The following CIT variants were observed in gnomAD, a reference collection of about 807,000 sequenced individuals.
CIT encodes citron rho-interacting serine/threonine kinase.
A neutral mutation model predicts 272.7 loss-of-function variants in CIT; 79 were observed. That is an observed-to-expected ratio of 0.29 (90% CI 0.24 to 0.35). CIT has a LOEUF of 0.35. Among genes scored for constraint, CIT ranks in the 10% least tolerant of loss-of-function variants. CIT has a pLI of 1.00. For synonymous variants in CIT, 948 were observed against 995.6 expected (o/e 0.95, Z 0.90); for missense variants, 1,909 against 2,618.3 (o/e 0.73, Z 5.91).
intron 7 of CIT, among the ~76,000 whole-genome samples, chr12:119,829,831 T>C (rs904380980): frequency 3.3e-5 from 5 of 152,002 alleles, no homozygotes; most frequent in African/African-American, 1.2e-4. Context: ...AATAAGACAA[T>C]GGATAATGGA....
At position 119,850,214 on chromosome 12, in the gene CIT, T is replaced by C; in HGVS notation, c.476A>G (p.Gln159Arg). Residue 159 changes from glutamine to arginine, a missense_variant, in exon 5 of 48, where the codon CAA (glutamine) becomes CGA (arginine). This residue lies in a region of CIT where 529 missense variants were observed against 549.6 expected (regional missense o/e 0.96). Coordinates refer to ENST00000392521, the MANE Select transcript of CIT (RefSeq NM_001206999.2). ...LSRSTSPWIP[Q>R]LQYAFQDKNH... is the part of the protein sequence containing the mutation. ...TTTGTCCTGAAAGGCATACTGTAAT[T>C]GGGGGATCCACGGGCTTGTGCTTCG... is the stretch of plus-strand genomic sequence containing the variant. The C allele has an allele frequency of 6.2e-7, 1 of 1,613,374 alleles. No individual in the cohort carries two copies. Among genetic ancestry groups the C allele is most frequent in the Admixed American group, 1.7e-5 (1 of 59,958 alleles).
chr12:119,771,467 C>A (rs905785842), intron 17 of CIT, among the ~76,000 whole-genome samples: 3 of 152,100 alleles, frequency 2.0e-5, no homozygotes, highest in Non-Finnish European at 4.4e-5. Context: ...AAGAGCCAGT[C>A]TGGGCCCCAA....
At chr12:119,730,703 T>C (rs1005009935) in intron 26 of CIT, 73 bp from the exon 27 acceptor site, 64 of 1,527,814 alleles carry the variant, frequency 4.2e-5, no homozygotes, top group Non-Finnish European at 4.8e-5. Flanking sequence ...CTGGTCCGTC[T>C]CTAATCCTGA....
At chr12:119,700,593 G>T in intron 44 of CIT, 152 bp downstream of exon 44, 1 of 668,092 alleles carries the variant, frequency 1.5e-6, no homozygotes. Flanking sequence ...ATGTTGGTCA[G>T]GCTGGGCTCA....
chr12:119,730,662 GC>G, intron 26 of CIT, 32 bp from the exon 27 acceptor site: 4 of 1,603,606 alleles, frequency 2.5e-6, no homozygotes, highest in Admixed American at 1.7e-5. Context: ...GCTTTTGGTA[GC>G]CCCCCAACAG....
At chr12:119,810,706 G>T (rs1240332784) in intron 9 of CIT, among the ~76,000 whole-genome samples, 2 of 100,238 alleles carry the variant, frequency 2.0e-5, no homozygotes, top group Non-Finnish European at 2.0e-5. Context: ...CATCATCTCA[G>T]AAAAAAAAAA....
chr12:119,734,626 A>G lies in CIT; in HGVS notation c.3157-269T>C, dbSNP rs1287834669. On this transcript the variant is annotated intron_variant, in intron 25 of 47. Coordinates refer to ENST00000392521, the MANE Select transcript of CIT (RefSeq NM_001206999.2). Reference sequence around the variant, plus strand: ...TTACATTGATCCCCCAAAGCATTTGATTTTGTTTTTATCTATCTTTATTTT... The same window carrying G: ...TTACATTGATCCCCCAAAGCATTTGGTTTTGTTTTTATCTATCTTTATTTT... 4.6e-5 allele frequency among the ~76,000 whole-genome samples: 7 copies of G among 151,716 alleles called. No homozygotes were observed. The East Asian group carries it at 1.4e-3, about 29-fold the overall frequency.
chr12:119,719,116 C>T (rs1162625331), intron 30 of CIT: 3 of 437,956 alleles, frequency 6.8e-6, no homozygotes, highest in African/African-American at 6.0e-5. Context: ...CCACCTCTTC[C>T]TCTAGCATTG....
chr12:119,775,906 G>A, intron 15 of CIT, 67 bp from the exon 16 acceptor site: 1 of 1,294,628 alleles, frequency 7.7e-7, no homozygotes, highest in Non-Finnish European at 1.1e-6. Context: ...TACATTTATT[G>A]CAGTCCTATT....
chr12:119,865,060 A>C (rs999197331), intron 3 of CIT, among the ~76,000 whole-genome samples: 1 of 152,186 alleles, frequency 6.6e-6, no homozygotes, highest in African/African-American at 2.4e-5. Flanking sequence ...ACAGAAACTC[A>C]AAAAGGGGAG....
rs567822233 is a variant in CIT at position 119,837,483 on chromosome 12, G to C, written c.517-3255C>G. 2.6e-5 allele frequency among the ~76,000 whole-genome samples: 4 copies of C among 152,320 alleles called. No individual in the cohort carries two copies. The South Asian group carries it at 6.2e-4, about 24-fold the overall frequency. ...CTAAAGTAACAAACTAGCAGTCTTT[G>C]AGTCTTCTTATCAGGTGACTTGCTG... On this transcript the variant is annotated intron_variant, in intron 5 of 47. Coordinates refer to ENST00000392521, the MANE Select transcript of CIT (RefSeq NM_001206999.2).
chr12:119,755,597 G>A (rs1565994295), intron 22 of CIT, among the ~76,000 whole-genome samples: 1 of 152,170 alleles, frequency 6.6e-6, no homozygotes, highest in East Asian at 1.9e-4. Flanking sequence ...CTCCAGTTGT[G>A]TCTCTGCTGG....
chr12:119,864,796 T>G (rs916565507), intron 3 of CIT, among the ~76,000 whole-genome samples: 1 of 152,256 alleles, frequency 6.6e-6, no homozygotes, highest in Non-Finnish European at 1.5e-5. Flanking sequence ...GCACTGGGGA[T>G]GTAAGAGTAA....
rs1424462888 is a variant in CIT, at chr12:119,876,259, G to T, written c.-13-78C>A. On this transcript the variant is annotated intron_variant, in intron 1 of 47. Transcript: ENST00000392521. ...CCTGAGAGATCCTGATCTCCCTCAA[G>T]ATATCAGGGACAAGGAGGTGAAAAT... 5.9e-6 allele frequency: 5 copies of T among 852,476 alleles called. No individual in the cohort carries two copies. In the Admixed American group the frequency reaches 1.1e-4, roughly 20 times the overall value. The allele number at this position is 852,476 out of a possible 1,614,324, so 52.8% of individuals were successfully genotyped here.
intron 8 of CIT, among the ~76,000 whole-genome samples, chr12:119,824,622 G>C (rs546261171): frequency 3.5e-4 from 53 of 152,246 alleles, no homozygotes; most frequent in African/African-American, 1.1e-3. Flanking sequence ...TGCCATATAA[G>C]TATTTGCTAT....
Position 119,718,549 on chromosome 12 carries a change from C to T in CIT, c.4004-140G>A. Reference sequence around the variant, plus strand: ...ACATCAACTTGGCAATGCACAGGGGCCATACGTTTTTCAGACATGGGATGT... The same window carrying T: ...ACATCAACTTGGCAATGCACAGGGGTCATACGTTTTTCAGACATGGGATGT... On this transcript the variant is annotated intron_variant, in intron 31 of 47. Coordinates refer to ENST00000392521, the MANE Select transcript of CIT (RefSeq NM_001206999.2). This position sits in a 1 kb window ranked among gnomAD's most constrained non-coding sequence, Gnocchi z 4.8. 7.2e-7 allele frequency: 1 copy of T among 1,395,156 alleles called. No homozygotes were observed. Among genetic ancestry groups the T allele is most frequent in the Non-Finnish European group, 9.8e-7 (1 of 1,016,222 alleles). 86.4% of individuals were successfully genotyped at this position (1,395,156 alleles called of 1,614,324 possible).
At chr12:119,700,362 A>C (rs1308361942) in intron 44 of CIT, among the ~76,000 whole-genome samples, 2 of 152,096 alleles carry the variant, frequency 1.3e-5, no homozygotes, top group Non-Finnish European at 2.9e-5. Context: ...AAAGAAAAAA[A>C]TTTCCACTTG....
In CIT at chr12:119,857,613, A is replaced by C. The variant is rs377665859; in HGVS notation, c.324T>G (p.Phe108Leu). ...EVRSLVGCGH[F>L]AEVQVVREKA... ...TCTCTCTTACCACCTGCACTTCAGC[A>C]AAGTGACCACAACCTACAAGACTTC... Residue 108 changes from phenylalanine to leucine, a missense_variant, in exon 4 of 48, where the codon TTT (phenylalanine) becomes TTG (leucine). By Grantham distance (22) the Phe-to-Leu change is conservative (BLOSUM62 0). This residue lies in a region of CIT where 529 missense variants were observed against 549.6 expected (regional missense o/e 0.96). Transcript: ENST00000392521. The C allele has an allele frequency of 3.0e-5, 49 of 1,614,130 alleles. No individual in the cohort carries two copies. Among genetic ancestry groups the C allele is most frequent in the Non-Finnish European group, 3.5e-5 (41 of 1,180,050 alleles).
chr12:119,751,577 T>C (rs1960261358), intron 23 of CIT, among the ~76,000 whole-genome samples: 1 of 140,044 alleles, frequency 7.1e-6, no homozygotes, highest in Non-Finnish European at 1.5e-5. Context: ...ACCAGATGCA[T>C]ACAAAAGACA....
Sources: allele counts gnomAD v4.1 joint callset (sites outside exome capture counted in the v4.1 genomes callset), GRCh38; gene constraint gnomAD v4.1.1; regional missense constraint gnomAD v4.1.1; non-coding constraint Gnocchi (gnomAD v3.1); transcripts MANE v1.5; gene names NCBI Gene and HGNC (gene_info 2026-07-23, HGNC 2026-07-21).